The following FHIT variants were observed in gnomAD, a reference collection of about 807,000 sequenced individuals.
FHIT encodes fragile histidine triad diadenosine triphosphatase.
In FHIT, 19 loss-of-function variants were observed where a neutral mutation model predicts 17.9. The observed-to-expected ratio is 1.06, with a 90% confidence interval of 0.74 to 1.56. The LOEUF (loss-of-function observed/expected upper bound fraction) is 1.56. Ranked by LOEUF, FHIT falls within the 40% of genes most tolerant of loss-of-function variation. The pLI is 0.00. For missense variants in FHIT, 248 were observed against 189.2 expected (o/e 1.31, Z -1.82); for synonymous variants, 81 against 69.7 (o/e 1.16, Z -0.81).
intron 5 of FHIT, among the ~76,000 whole-genome samples, chr3:60,069,740 T>C (rs1702682567): frequency 1.3e-5 from 2 of 152,142 alleles, no homozygotes; most frequent in South Asian, 4.2e-4. Flanking sequence ...TATTCATCCT[T>C]CTCAGCCATC....
chr3:60,483,504 G>A (rs2033706741), intron 5 of FHIT, among the ~76,000 whole-genome samples: 1 of 152,102 alleles, frequency 6.6e-6, no homozygotes, highest in Non-Finnish European at 1.5e-5. Context: ...TTCATTCCTG[G>A]GATTCAATGG....
chr3:61,195,885 TA>T (rs2038839429), intron 2 of FHIT, among the ~76,000 whole-genome samples: 1 of 152,168 alleles, frequency 6.6e-6, no homozygotes, highest in African/African-American at 2.4e-5. Flanking sequence ...GGTAGATGCC[TA>T]AAGTAGGCAA....
chr3:59,896,861 G>A (rs188891108), intron 8 of FHIT, among the ~76,000 whole-genome samples: 9 of 152,062 alleles, frequency 5.9e-5, no homozygotes, highest in Non-Finnish European at 1.2e-4. Context: ...GGAACATAAC[G>A]CAAGTGTAAT....
intron 2 of FHIT, among the ~76,000 whole-genome samples, chr3:61,047,897 G>A (rs1334280004): frequency 7.2e-6 from 1 of 139,238 alleles, no homozygotes; most frequent in African/African-American, 2.5e-5. Flanking sequence ...TTTAATAAAT[G>A]GTGCTGGGAA....
chr3:60,029,507 C>A (rs1341360639), intron 5 of FHIT, among the ~76,000 whole-genome samples: 1 of 152,164 alleles, frequency 6.6e-6, no homozygotes, highest in Non-Finnish European at 1.5e-5. Context: ...CAGTCTCTCT[C>A]CAGAAAGAGC....
At chr3:60,603,537 T>A (rs1236096682) in intron 4 of FHIT, among the ~76,000 whole-genome samples, 2 of 152,122 alleles carry the variant, frequency 1.3e-5, no homozygotes, top group African/African-American at 4.8e-5. Flanking sequence ...ATTGTGTTGC[T>A]TTCTTCTGTA....
chr3:61,065,281 A>ACG (rs2034563215), intron 2 of FHIT, among the ~76,000 whole-genome samples: 1 of 106,602 alleles, frequency 9.4e-6, no homozygotes, highest in African/African-American at 3.0e-5. Flanking sequence ...ACACACACAC[A>ACG]CACACACACA....
intron 4 of FHIT, among the ~76,000 whole-genome samples, chr3:60,812,439 G>T (rs970750734): frequency 2.0e-5 from 3 of 152,100 alleles, no homozygotes; most frequent in African/African-American, 7.2e-5. Flanking sequence ...TTACAGGCAT[G>T]AGCCACTGTG....
At chr3:60,261,311 A>G (rs1706286087) in intron 5 of FHIT, among the ~76,000 whole-genome samples, 1 of 152,038 alleles carries the variant, frequency 6.6e-6, no homozygotes, top group Non-Finnish European at 1.5e-5. Flanking sequence ...CAGGTGAGAA[A>G]AGAAAAACAA....
At position 60,369,374 on chromosome 3, in the gene FHIT, C is replaced by A. The variant is rs991164546; in HGVS notation, c.103+167486G>T. Among the ~76,000 whole-genome samples the A allele has an allele frequency of 3.3e-5, 5 of 152,130 alleles. No homozygotes were observed. In the East Asian group the frequency reaches 7.7e-4, roughly 23 times the overall value. ...CAGCATCCATGTTTTCCTTTAAGTT[C>A]TTTAACAATATTATTATAGCTATGG... On this transcript the variant is annotated intron_variant, in intron 5 of 9. Coordinates refer to ENST00000492590, the MANE Select transcript of FHIT (RefSeq NM_002012.4).
intron 4 of FHIT, among the ~76,000 whole-genome samples, chr3:60,592,675 C>T (rs1406358450): frequency 2.6e-5 from 4 of 152,124 alleles, no homozygotes; most frequent in Non-Finnish European, 4.4e-5. Flanking sequence ...CTCATTGTCA[C>T]TTGTCAGAAT....
At chr3:60,485,583 A>G (rs974097003) in intron 5 of FHIT, among the ~76,000 whole-genome samples, 4 of 151,966 alleles carry the variant, frequency 2.6e-5, no homozygotes, top group African/African-American at 4.8e-5. Flanking sequence ...GTTCTCACTC[A>G]TAAGTGGGAG....
At chr3:60,193,590 T>TA (rs1166047997) in intron 5 of FHIT, among the ~76,000 whole-genome samples, 1 of 152,154 alleles carries the variant, frequency 6.6e-6, no homozygotes, top group Non-Finnish European at 1.5e-5. Flanking sequence ...TGCATACCTA[T>TA]AACCATGGCC....
intron 5 of FHIT, among the ~76,000 whole-genome samples, chr3:60,210,741 C>T (rs1270019272): frequency 2.0e-5 from 3 of 152,160 alleles, no homozygotes; most frequent in East Asian, 3.9e-4. Flanking sequence ...TAAAGTTCAA[C>T]AATATAGTAT....
chr3:60,197,154 T>A (rs966330604), intron 5 of FHIT, among the ~76,000 whole-genome samples: 5 of 152,224 alleles, frequency 3.3e-5, no homozygotes, highest in Admixed American at 3.3e-4. Context: ...ATAACCATCA[T>A]GTCAGTCATG....
At chr3:59,792,945 T>C (rs930139112) in intron 8 of FHIT, among the ~76,000 whole-genome samples, 8 of 151,014 alleles carry the variant, frequency 5.3e-5, no homozygotes, top group African/African-American at 1.9e-4. Flanking sequence ...GAAGCTCCAA[T>C]AGCACCTCAC....
intron 5 of FHIT, among the ~76,000 whole-genome samples, chr3:60,241,048 G>A (rs1218781325): frequency 6.6e-6 from 1 of 152,134 alleles, no homozygotes; most frequent in African/African-American, 2.4e-5. Context: ...ATCATAGTGA[G>A]TATCTTTTAA....
At chr3:61,083,599 G>C (rs2035214844) in intron 2 of FHIT, among the ~76,000 whole-genome samples, 2 of 152,004 alleles carry the variant, frequency 1.3e-5, no homozygotes, top group African/African-American at 2.4e-5. Context: ...AAAACAAAAA[G>C]AAAAAGAAAC....
chr3:60,258,556 T>C (rs999868391), intron 5 of FHIT, among the ~76,000 whole-genome samples: 17 of 145,772 alleles, frequency 1.2e-4, no homozygotes, highest in South Asian at 2.2e-4. Context: ...CTTTAAAATA[T>C]TAAATTGTGA....
Sources: allele counts gnomAD v4.1 joint callset (sites outside exome capture counted in the v4.1 genomes callset), GRCh38; gene constraint gnomAD v4.1.1; transcripts MANE v1.5; gene names NCBI Gene and HGNC (gene_info 2026-07-23, HGNC 2026-07-21).